SLC22A24: variants seen among roughly 807,000 people sequenced by gnomAD.
SLC22A24 encodes solute carrier family 22 member 24, also known as steroid transmembrane transporter SLC22A24.
SLC22A24 carries 53 observed loss-of-function variants against 49.8 expected under a neutral mutation model. That is an observed-to-expected ratio of 1.06 (90% CI 0.85 to 1.34). The LOEUF (loss-of-function observed/expected upper bound fraction) is 1.34. Ranked by LOEUF, SLC22A24 falls within the 40% of genes most tolerant of loss-of-function variation. SLC22A24 has a pLI of 0.00. For missense variants in SLC22A24, 786 were observed against 675.9 expected (o/e 1.16, Z -1.81); for synonymous variants, 302 against 256.4 (o/e 1.18, Z -1.70).
rs576731998 is a variant in SLC22A24 at position 63,144,055 on chromosome 11, A to G, written c.-276T>C. On this transcript the variant is annotated 5_prime_UTR_variant, in exon 1 of 10. Coordinates refer to ENST00000612278, the MANE Select transcript of SLC22A24 (RefSeq NM_001136506.2). Reference sequence around the variant, plus strand: ...GAGACTGCTAGCTGTTGACAACTGAATCTTCTTAAAAGACTACTCTGTGAA... The same window carrying G: ...GAGACTGCTAGCTGTTGACAACTGAGTCTTCTTAAAAGACTACTCTGTGAA... The G allele has an allele frequency of 2.0e-4, 54 of 275,834 alleles. No individual in the cohort carries two copies. The Admixed American group carries it at 2.0e-3, about 10-fold the overall frequency. The allele number at this position is 275,834 out of a possible 1,614,324, so 17.1% of individuals were successfully genotyped here.
At chr11:63,134,878 G>T (rs2087362789) in intron 1 of SLC22A24, 110 bp from the exon 2 acceptor site, 3 of 661,382 alleles carry the variant, frequency 4.5e-6, no homozygotes, top group African/African-American at 3.7e-5. Context: ...TGCTAGGCAG[G>T]TCCTGCCTCC....
At chr11:63,086,628 A>G (rs531955899) in intron 6 of SLC22A24, among the ~76,000 whole-genome samples, 25 of 152,332 alleles carry the variant, frequency 1.6e-4, no homozygotes, top group African/African-American at 5.8e-4. Context: ...TTGAATTTTT[A>G]CCAAAATAGA....
intron 1 of SLC22A24, among the ~76,000 whole-genome samples, chr11:63,142,959 C>T (rs1388719595): frequency 6.6e-6 from 1 of 152,144 alleles, no homozygotes; most frequent in African/African-American, 2.4e-5. Context: ...CTAAGTATCT[C>T]AACAACATTT....
At chr11:63,101,402 G>C (rs1312950610) in intron 5 of SLC22A24, among the ~76,000 whole-genome samples, 1 of 151,694 alleles carries the variant, frequency 6.6e-6, no homozygotes, top group African/African-American at 2.4e-5. Context: ...AATCAATGCT[G>C]CTATTCAAAA....
chr11:63,118,589 G>A (rs931747161), intron 4 of SLC22A24: 3 of 527,358 alleles, frequency 5.7e-6, no homozygotes, highest in Non-Finnish European at 6.7e-6. Context: ...AATGACAAAA[G>A]CCCCCAAATT....
intron 9 of SLC22A24, among the ~76,000 whole-genome samples, chr11:63,080,632 C>G (rs914502083): frequency 6.6e-6 from 1 of 152,208 alleles, no homozygotes; most frequent in African/African-American, 2.4e-5. Flanking sequence ...GTGTTTCCCA[C>G]AAGGGCAGAA....
At position 63,104,255 on chromosome 11, in the gene SLC22A24, G is replaced by A. The variant is rs1174929471; in HGVS notation, c.874C>T (p.Leu292=). The change falls in exon 5 of 10, where the codon CTA becomes TTA. Residue 292 remains leucine (L), a synonymous_variant. Transcript: ENST00000612278. ...CTAAGCTCCTTTAAGCCCTCATCTA[G>A]CTGATTGTTGATAATCAGCCACCGA... The part of the protein sequence containing the change: ...SARWLIINNQ[L]DEGLKELRRV... 4.5e-6 allele frequency: 7 copies of A among 1,550,308 alleles called. No individual in the cohort carries two copies. Among genetic ancestry groups the A allele is most frequent in the African/African-American group, 2.7e-5 (2 of 72,896 alleles).
At chr11:63,104,114 G>A (rs1394091920) in intron 5 of SLC22A24, 61 bp downstream of exon 5, 1 of 1,529,366 alleles carries the variant, frequency 6.5e-7, no homozygotes, top group Non-Finnish European at 8.8e-7. Flanking sequence ...ACCTAGACTA[G>A]TATGATTGTG....
intron 2 of SLC22A24, among the ~76,000 whole-genome samples, chr11:63,126,563 C>T (rs1191655230): frequency 1.3e-5 from 2 of 152,098 alleles, no homozygotes; most frequent in African/African-American, 4.8e-5. Flanking sequence ...TTACTGTAGC[C>T]TTGTAGCATA....
At chr11:63,097,164 C>T (rs922931359) in intron 5 of SLC22A24, among the ~76,000 whole-genome samples, 1 of 151,754 alleles carries the variant, frequency 6.6e-6, no homozygotes, top group African/African-American at 2.4e-5. Flanking sequence ...CTTTTGCAAT[C>T]TATCATCTAT....
chr11:63,124,670 G>A (rs1406158851), intron 2 of SLC22A24, among the ~76,000 whole-genome samples: 2 of 152,100 alleles, frequency 1.3e-5, no homozygotes, highest in Non-Finnish European at 2.9e-5. Context: ...CTTACTAACA[G>A]TCTTTTCAAC....
chr11:63,127,817 A>T (rs927054808), intron 2 of SLC22A24, among the ~76,000 whole-genome samples: 13 of 150,680 alleles, frequency 8.6e-5, no homozygotes, highest in African/African-American at 3.2e-4. Flanking sequence ...CCACTTTTTG[A>T]TTTTTTTTTG....
intron 4 of SLC22A24, among the ~76,000 whole-genome samples, chr11:63,104,864 C>A (rs1249104585): frequency 3.3e-5 from 5 of 152,174 alleles, no homozygotes; most frequent in African/African-American, 1.2e-4. Flanking sequence ...AACAGTCCCC[C>A]AAAGTCTTAA....
Position 63,083,342 on chromosome 11 carries a change from A to G in SLC22A24, c.1186T>C (p.Ser396Pro). 1 of 1,555,818 alleles carries G rather than the reference A, an allele frequency of 6.4e-7. No individual in the cohort carries two copies. The highest frequency in any genetic ancestry group is 8.7e-7 in the Non-Finnish European group (1 of 1,148,854). ...CCCATATGATTCAGTGTCAAAAGGG[A>G]AACACATCTGGCTGTGAATGTGACA... ...GAVTFTARCV[S>P]LLTLNHMGRR... Residue 396 changes from serine (S) to proline (P), a missense_variant, in exon 7 of 10, where the codon TCC becomes CCC. Transcript: ENST00000612278.
intron 5 of SLC22A24, among the ~76,000 whole-genome samples, chr11:63,097,952 G>C (rs747264373): frequency 6.6e-6 from 1 of 152,058 alleles, no homozygotes; most frequent in South Asian, 2.1e-4. Context: ...AAAGCATTAG[G>C]ACAAATACCT....
At chr11:63,097,667 T>C (rs1035108252) in intron 5 of SLC22A24, among the ~76,000 whole-genome samples, 2 of 152,152 alleles carry the variant, frequency 1.3e-5, no homozygotes, top group Admixed American at 6.6e-5. Flanking sequence ...CCAACCCAAA[T>C]GTGCATCAAT....
chr11:63,088,471 A>T (rs1283975313), intron 6 of SLC22A24, among the ~76,000 whole-genome samples: 3 of 152,144 alleles, frequency 2.0e-5, no homozygotes, highest in Non-Finnish European at 4.4e-5. Context: ...CAAGAAGTTG[A>T]GGAAAAATCA....
intron 1 of SLC22A24, 27 bp from the exon 2 acceptor site, chr11:63,134,795 A>G: frequency 6.8e-7 from 1 of 1,479,238 alleles, no homozygotes; most frequent in East Asian, 2.4e-5. Flanking sequence ...GCAGTACAGC[A>G]GAGCTTGAGA....
chr11:63,083,164 C>G, intron 7 of SLC22A24, 79 bp downstream of exon 7: 1 of 1,168,402 alleles, frequency 8.6e-7, no homozygotes, highest in Non-Finnish European at 1.2e-6. Context: ...GTTCTTTTGG[C>G]ACCAGGCATA....
Sources: allele counts gnomAD v4.1 joint callset (sites outside exome capture counted in the v4.1 genomes callset), GRCh38; gene constraint gnomAD v4.1.1; transcripts MANE v1.5; gene names NCBI Gene and HGNC (gene_info 2026-07-23, HGNC 2026-07-21).